CTAG2: variants seen among roughly 807,000 people sequenced by gnomAD.
CTAG2 encodes the protein CTL-recognized antigen on melanoma.
Under a neutral mutation model 5.7 loss-of-function variants are expected in CTAG2, and 5 were observed. The observed-to-expected ratio is 0.88, with a 90% confidence interval of 0.46 to 1.85. The LOEUF is 1.85. Among genes scored for constraint, CTAG2 ranks in the 40% most tolerant of loss-of-function variants. CTAG2 has a pLI of 0.01. For synonymous variants in CTAG2, 63 were observed against 80.9 expected, an observed-to-expected ratio of 0.78 and a Z score of 1.19; for missense variants, 151 against 169.9, an observed-to-expected ratio of 0.89 and a Z score of 0.62.
In CTAG2 at chrX:154,653,289, C is replaced by T. The variant is rs2070171280; in HGVS notation, c.227G>A (p.Cys76Tyr). Residue 76 changes from cysteine (C) to tyrosine (Y), a missense_variant, in exon 1 of 3, where the codon TGC becomes TAC. Around this residue, in one of 2 missense-constraint regions of CTAG2, gnomAD observed 147 missense variants for 151.0 expected, o/e 0.97. Coordinates refer to ENST00000369585, the MANE Select transcript of CTAG2 (RefSeq NM_172377.5). ...GGAASAQDGR[C>Y]PCGARRPDSR... ...GTCCGGCCTCCTGGCCCCGCAGGGG[C>T]ACCTTCCATCCTGCGCAGAAGCGGC... The T allele has an allele frequency of 4.1e-6, 5 of 1,209,324 alleles. No homozygotes were observed. The East Asian group carries it at 1.2e-4, about 29-fold the overall frequency.
chrX:154,653,030 A>C (rs1219490065), intron 1 of CTAG2, among the ~76,000 whole-genome samples: 17 of 63,707 alleles, frequency 2.7e-4, no homozygotes, highest in Non-Finnish European at 3.5e-4. Flanking sequence ...TCCCCTACCT[A>C]CTCCCTTCCT....
intron 2 of CTAG2, 47 bp downstream of exon 2, chrX:154,652,450 C>G (rs782134176): frequency 8.3e-7 from 1 of 1,211,052 alleles, no homozygotes; most frequent in Admixed American, 2.2e-5. Flanking sequence ...CCCCAACCCA[C>G]CACCCTCATC....
chrX:154,653,209 G>C, intron 1 of CTAG2, 38 bp downstream of exon 1: 2 of 1,183,778 alleles, frequency 1.7e-6, no homozygotes, highest in East Asian at 3.0e-5. Flanking sequence ...CCCCCACCTC[G>C]CCACCAGAAC....
chrX:154,652,751 G>A, intron 1 of CTAG2, 120 bp from the exon 2 acceptor site: 2 of 842,644 alleles, frequency 2.4e-6, no homozygotes, highest in Non-Finnish European at 3.3e-6. Context: ...CAGCTGTCTT[G>A]ATTCCCCACT....
In CTAG2 at chrX:154,653,392, C is replaced by T. The variant is rs782177344; in HGVS notation, c.124G>A (p.Gly42Ser). 13 of 1,149,774 alleles carry T rather than the reference C, an allele frequency of 1.1e-5. No individual in the cohort carries two copies. The highest frequency in any genetic ancestry group is 1.1e-4 in the African/African-American group (6 of 53,658). 94.8% of individuals were successfully genotyped at this position (1,149,774 alleles called of 1,213,427 possible). A position where few individuals can be genotyped will look rare whatever the true frequency, so the allele number is the denominator to read the frequency against. ...GGPGEAGATG[G>S]RGPRGAGAAR... Reference sequence around the variant, plus strand: ...GCCCCTGCGCCCCGGGGACCTCTGCCGCCCGTGGCACCCGCCTCTCCTGGG... The same window carrying T: ...GCCCCTGCGCCCCGGGGACCTCTGCTGCCCGTGGCACCCGCCTCTCCTGGG... The change falls in exon 1 of 3, where the codon GGC (glycine) becomes AGC (serine). Residue 42 changes from glycine to serine, a missense_variant. Physicochemically the swap from Gly to Ser is moderately conservative, Grantham distance 56. Transcript: ENST00000369585.
chrX:154,652,968 T>C (rs1340955311), intron 1 of CTAG2, among the ~76,000 whole-genome samples: 6 of 62,217 alleles, frequency 9.6e-5, no homozygotes, highest in Non-Finnish European at 3.0e-5. Context: ...CCTGTCCCCC[T>C]GCCCCTCACC....
intron 2 of CTAG2, 101 bp from the exon 3 acceptor site, chrX:154,652,368 T>C: frequency 8.3e-7 from 1 of 1,211,627 alleles, no homozygotes; most frequent in South Asian, 1.8e-5. Flanking sequence ...ACCAGGTCTC[T>C]GTTCTGAGAC....
intron 1 of CTAG2, among the ~76,000 whole-genome samples, 160 bp from the exon 2 acceptor site, chrX:154,652,791 G>A (rs2070164675): frequency 9.2e-6 from 1 of 108,589 alleles, no homozygotes; most frequent in African/African-American, 3.4e-5. Flanking sequence ...GCTGACTCCT[G>A]CGTGCCCTTC....
At chrX:154,653,006 C>T (rs1268115441) in intron 1 of CTAG2, among the ~76,000 whole-genome samples, 10 of 103,665 alleles carry the variant, frequency 9.6e-5, no homozygotes, top group South Asian at 4.6e-4. Flanking sequence ...ACTGTGCACA[C>T]GCTCCACCTC....
At position 154,652,462 on chromosome X, in the gene CTAG2, G is replaced by A. The variant is rs1475007882; in HGVS notation, c.404+35C>T. ...AGCCCCCAACCCACCACCCTCATCC[G>A]CCCAGCGCCTTCCCTGTCCTGGTCC... On this transcript the variant is annotated intron_variant, in intron 2 of 2. Transcript: ENST00000369585. The A allele has an allele frequency of 1.1e-5, 13 of 1,208,776 alleles. No homozygotes were observed. The highest frequency in any genetic ancestry group is 3.5e-5 in the African/African-American group (2 of 56,891).
chrX:154,652,129 T>G lies in CTAG2; in HGVS notation c.543A>C (p.Ter181TyrextTer8), dbSNP rs2070155032. Residue 181 changes from the stop codon to tyrosine, a stop_lost, in exon 3 of 3, where the codon TAA becomes TAC. Transcript: ENST00000369585. ...LAQAPSGQRR[*>Y] is the part of the protein sequence containing the mutation. ...CCTAGGAAGGGGCGCCAGGCTGGGC[T>G]TAGCGCCTCTGCCCTGAGGGAGCCT... is the stretch of plus-strand genomic sequence containing the variant. 3.3e-6 allele frequency: 4 copies of G among 1,208,905 alleles called. No homozygotes were observed. The highest frequency in any genetic ancestry group is 4.5e-6 in the Non-Finnish European group (4 of 894,675).
chrX:154,652,416 C>T lies in CTAG2; in HGVS notation c.404+81G>A, dbSNP rs781895845. 18 of 1,209,602 alleles carry T rather than the reference C, an allele frequency of 1.5e-5. No individual in the cohort carries two copies. In the South Asian group the frequency reaches 2.6e-4, roughly 18 times the overall value. ...TGTTCTGAGATCTCTAGCTTTCTGC[C>T]CCTCCGGGGAGGCGGATCCCAGCCC... is the stretch of plus-strand genomic sequence containing the variant. On this transcript the variant is annotated intron_variant, in intron 2 of 2. Transcript: ENST00000369585.
intron 1 of CTAG2, among the ~76,000 whole-genome samples, chrX:154,652,838 C>T (rs1453732199): frequency 9.3e-6 from 1 of 107,320 alleles, no homozygotes; most frequent in African/African-American, 3.4e-5. Context: ...CCGCATCAGC[C>T]GGGACCTCTC....
chrX:154,652,306 C>T lies in CTAG2; in HGVS notation c.405-39G>A, dbSNP rs147124424. 638 of 1,209,246 alleles carry T rather than the reference C, an allele frequency of 5.3e-4. 1 individual carries two copies. Among genetic ancestry groups the T allele is most frequent in the Non-Finnish European group, 6.9e-4 (621 of 894,537 alleles). On this transcript the variant is annotated intron_variant, in intron 2 of 2. Coordinates refer to ENST00000369585, the MANE Select transcript of CTAG2 (RefSeq NM_172377.5). ...GCAGAGAACATCACATTAAAGGCGACACCTCTGCACCCATCTCCCTGGGCT... is the reference window on the plus strand; with the variant it reads ...GCAGAGAACATCACATTAAAGGCGATACCTCTGCACCCATCTCCCTGGGCT...
Position 154,652,265 on chromosome X carries a change from C to G in CTAG2, c.407G>C (p.Arg136Pro). 8.3e-7 allele frequency: 1 copy of G among 1,210,657 alleles called. No homozygotes were observed. The highest frequency in any genetic ancestry group is 1.7e-5 in the African/African-American group (1 of 57,619). ...FTVSGNLLFI[R>P]LTAADHRQLQ... Reference sequence around the variant, plus strand: ...TTGGCGGTGGTCTGCAGCAGTCAGTCGGCTAAATGTGAGGGGCAGAGAACA... The same window carrying G: ...TTGGCGGTGGTCTGCAGCAGTCAGTGGGCTAAATGTGAGGGGCAGAGAACA... Residue 136 changes from arginine to proline, a missense_variant and splice_region_variant, in exon 3 of 3, where the codon CGA (arginine) becomes CCA (proline). Coordinates refer to ENST00000369585, the MANE Select transcript of CTAG2 (RefSeq NM_172377.5).
chrX:154,652,557 G>A lies in CTAG2; in HGVS notation c.344C>T (p.Pro115Leu), dbSNP rs782693966. ...CAGAACCGCCCCTGGTCGGGGGAGC[G>A]GTGCGGCATCCCGGGACAGGATCCT... ...VRRILSRDAA[P>L]LPRPGAVLKD... Residue 115 changes from proline (P) to leucine (L), a missense_variant, in exon 2 of 3, where the codon CCG (proline) becomes CTG (leucine). Coordinates refer to ENST00000369585, the MANE Select transcript of CTAG2 (RefSeq NM_172377.5). The A allele has an allele frequency of 5.0e-6, 6 of 1,210,683 alleles. No individual in the cohort carries two copies. The Admixed American group carries it at 6.5e-5, about 13-fold the overall frequency.
At chrX:154,653,225 A>G in intron 1 of CTAG2, 22 bp downstream of exon 1, 2 of 1,198,841 alleles carry the variant, frequency 1.7e-6, no homozygotes, top group East Asian at 3.0e-5. Context: ...AGAACCTCCT[A>G]GAACAGAACA....
In CTAG2 at chrX:154,652,491, A is replaced by G; in HGVS notation, c.404+6T>C. The G allele has an allele frequency of 5.8e-6, 7 of 1,211,054 alleles. No homozygotes were observed. The highest frequency in any genetic ancestry group is 7.8e-6 in the Non-Finnish European group (7 of 895,121). ...AGCGCCTTCCCTGTCCTGGTCCCGA[A>G]CTGACATAAACAGTAGGTTGCCGGA... is the stretch of plus-strand genomic sequence containing the variant. On this transcript the variant is annotated splice_donor_region_variant and intron_variant, in intron 2 of 2. Coordinates refer to ENST00000369585, the MANE Select transcript of CTAG2 (RefSeq NM_172377.5).
chrX:154,652,686 C>T, intron 1 of CTAG2, 55 bp from the exon 2 acceptor site: 1 of 1,151,890 alleles, frequency 8.7e-7, no homozygotes, highest in African/African-American at 1.8e-5. Context: ...GTGCCCATCT[C>T]ATCCCCTCAG....
Sources: allele counts gnomAD v4.1 joint callset (sites outside exome capture counted in the v4.1 genomes callset), GRCh38; gene constraint gnomAD v4.1.1; regional missense constraint gnomAD v4.1.1; transcripts MANE v1.5; gene names NCBI Gene and HGNC (gene_info 2026-07-23, HGNC 2026-07-21).